RNF180: variants seen among roughly 807,000 people sequenced by gnomAD.
RNF180 encodes the protein ring finger protein 180.
Under a neutral mutation model 59.2 loss-of-function variants are expected in RNF180, and 38 were observed. That is an observed-to-expected ratio of 0.64 (90% CI 0.50 to 0.84). The LOEUF is 0.84. Ranked by LOEUF, RNF180 falls within the 40% of genes least tolerant of loss-of-function variation. RNF180 has a pLI of 0.00. For missense variants in RNF180, 705 were observed against 700.9 expected (o/e 1.01, Z -0.07); for synonymous variants, 262 against 240.3 (o/e 1.09, Z -0.84).
At chr5:64,359,739 G>C (rs1227030953) in intron 7 of RNF180, among the ~76,000 whole-genome samples, 5 of 151,846 alleles carry the variant, frequency 3.3e-5, no homozygotes, top group African/African-American at 1.2e-4. Context: ...GTAATGCCTA[G>C]GTTTTCTTCT....
chr5:64,182,256 C>G (rs1342309693), intron 1 of RNF180, among the ~76,000 whole-genome samples: 1 of 151,948 alleles, frequency 6.6e-6, no homozygotes, highest in Non-Finnish European at 1.5e-5. Flanking sequence ...CTCCCAAAGT[C>G]CTGGGATTAC....
intron 5 of RNF180, among the ~76,000 whole-genome samples, chr5:64,289,074 T>C (rs948869642): frequency 3.9e-5 from 6 of 152,186 alleles, no homozygotes; most frequent in African/African-American, 1.4e-4. Context: ...CTTCAATACC[T>C]AGTTTGTTGA....
chr5:64,271,481 T>C (rs1741395172), intron 5 of RNF180, among the ~76,000 whole-genome samples: 1 of 152,082 alleles, frequency 6.6e-6, no homozygotes, highest in Non-Finnish European at 1.5e-5. Flanking sequence ...ATTCTGTATA[T>C]GTTTGTAGCC....
intron 7 of RNF180, among the ~76,000 whole-genome samples, chr5:64,356,152 T>C (rs1466113522): frequency 6.6e-6 from 1 of 151,618 alleles, no homozygotes; most frequent in Non-Finnish European, 1.5e-5. Context: ...CCTAACTACT[T>C]GGGAGGCTGA....
chr5:64,311,918 A>T (rs899294658), intron 5 of RNF180, among the ~76,000 whole-genome samples: 1 of 152,020 alleles, frequency 6.6e-6, no homozygotes, highest in Admixed American at 6.6e-5. Flanking sequence ...AAGAGAATGG[A>T]TATCCGATAT....
chr5:64,315,996 A>C (rs904388805), intron 5 of RNF180, among the ~76,000 whole-genome samples: 1 of 152,178 alleles, frequency 6.6e-6, no homozygotes, highest in Non-Finnish European at 1.5e-5. Flanking sequence ...GGCACTAGCA[A>C]TTTAACCCAC....
intron 7 of RNF180, among the ~76,000 whole-genome samples, chr5:64,366,955 G>A (rs1746477453): frequency 6.6e-6 from 1 of 151,450 alleles, no homozygotes; most frequent in South Asian, 2.1e-4. Context: ...AAGAGTCAAA[G>A]ATAGAATTTT....
intron 5 of RNF180, among the ~76,000 whole-genome samples, chr5:64,284,653 T>C (rs1316759825): frequency 1.3e-5 from 2 of 152,260 alleles, no homozygotes; most frequent in Non-Finnish European, 2.9e-5. Context: ...TATGAAATTC[T>C]TGTAGTGAGT....
intron 2 of RNF180, among the ~76,000 whole-genome samples, chr5:64,210,999 G>C (rs980680533): frequency 3.3e-5 from 5 of 152,094 alleles, no homozygotes; most frequent in African/African-American, 1.2e-4. Context: ...TGGAAAATTG[G>C]GGTGGCTGAT....
intron 5 of RNF180, among the ~76,000 whole-genome samples, chr5:64,321,618 A>G (rs897229849): frequency 6.6e-6 from 1 of 152,130 alleles, no homozygotes; most frequent in Non-Finnish European, 1.5e-5. Flanking sequence ...ATTCAATGCT[A>G]TTCTCAAACT....
chr5:64,276,024 GCAGAGTACCTTCC>G (rs1006551537), intron 5 of RNF180, among the ~76,000 whole-genome samples: 52 of 151,950 alleles, frequency 3.4e-4, no homozygotes, highest in Admixed American at 8.5e-4. Context: ...CAAATATGTT[GCAGAGTACCTTCC>G]CAGAGATCCA....
chr5:64,267,337 CTTTTA>C (rs1034969558), intron 5 of RNF180, among the ~76,000 whole-genome samples: 1 of 151,410 alleles, frequency 6.6e-6, no homozygotes, highest in African/African-American at 2.4e-5. Flanking sequence ...CACTTTGATT[CTTTTA>C]TTTATTTATT....
chr5:64,271,596 A>G (rs1199473087), intron 5 of RNF180, among the ~76,000 whole-genome samples: 2 of 152,042 alleles, frequency 1.3e-5, no homozygotes, highest in East Asian at 1.9e-4. Context: ...AAAATTGCCT[A>G]ACGACACATT....
At chr5:64,242,375 C>G (rs1742857766) in intron 5 of RNF180, among the ~76,000 whole-genome samples, 1 of 152,132 alleles carries the variant, frequency 6.6e-6, no homozygotes, top group Non-Finnish European at 1.5e-5. Context: ...AGATGGACAA[C>G]ATAAGGTGTC....
intron 5 of RNF180, among the ~76,000 whole-genome samples, chr5:64,324,520 C>G (rs931287652): frequency 6.6e-6 from 1 of 152,184 alleles, no homozygotes; most frequent in African/African-American, 2.4e-5. Flanking sequence ...TATAACAAGA[C>G]AATGTTGAAT....
chr5:64,282,721 G>T (rs772526689), intron 5 of RNF180, among the ~76,000 whole-genome samples: 1 of 152,036 alleles, frequency 6.6e-6, no homozygotes, highest in Admixed American at 6.6e-5. Flanking sequence ...TGAGATTCTG[G>T]TATGTTATAT....
chr5:64,234,060 A>AT (rs772448851), intron 5 of RNF180, among the ~76,000 whole-genome samples: 1 of 152,228 alleles, frequency 6.6e-6, no homozygotes, highest in Non-Finnish European at 1.5e-5. Context: ...ATTTAGCTGT[A>AT]TGCTCTTGTG....
chr5:64,202,643 C>A (rs932127918), intron 2 of RNF180, among the ~76,000 whole-genome samples: 1 of 152,098 alleles, frequency 6.6e-6, no homozygotes, highest in Non-Finnish European at 1.5e-5. Context: ...TTAGTATTTT[C>A]CGTCTTTATA....
rs535887872 is a variant in RNF180 at position 64,185,500 on chromosome 5, G to A, written c.1-15308G>A. 9.8e-5 allele frequency among the ~76,000 whole-genome samples: 15 copies of A among 152,294 alleles called. 2 individuals carry two copies. The highest frequency in any genetic ancestry group is 3.6e-4 in the African/African-American group (15 of 41,574). ...GATTCAACCAGAAGCATATGAGTATGTAAATCATAATTTAGTTTCTAATTA... is the reference window on the plus strand; with the variant it reads ...GATTCAACCAGAAGCATATGAGTATATAAATCATAATTTAGTTTCTAATTA... On this transcript the variant is annotated intron_variant, in intron 1 of 7. Coordinates refer to ENST00000389100, the MANE Select transcript of RNF180 (RefSeq NM_001113561.2).
Sources: gnomAD v4.1 joint callset for allele counts (sites outside exome capture counted in the v4.1 genomes callset) on GRCh38, gnomAD v4.1.1 for gene constraint, MANE v1.5 for transcripts, NCBI Gene and HGNC (gene_info 2026-07-23, HGNC 2026-07-21) for gene names.